Variants in CCDC148 observed in about 807,000 individuals in gnomAD.
The protein encoded by CCDC148 is coiled-coil domain containing 148.
CCDC148 carries 89 observed loss-of-function variants against 85.7 expected under a neutral mutation model. The ratio of observed to expected loss-of-function variants is 1.04; its 90% confidence interval spans 0.87 to 1.24. CCDC148 has a LOEUF of 1.24. CCDC148 is among the 50% of genes most tolerant of loss of function. The pLI, the probability that CCDC148 is intolerant of heterozygous loss-of-function variation, is 0.00. For missense variants in CCDC148, 692 were observed against 671.7 expected (o/e 1.03, Z -0.33); for synonymous variants, 230 against 213.9 (o/e 1.08, Z -0.66).
At chr2:158,441,528 G>A (rs114999857) in intron 1 of CCDC148, among the ~76,000 whole-genome samples, 1,968 of 148,856 alleles carry the variant, frequency 0.013, 29 homozygotes, top group African/African-American at 0.046. Context: ...CATGCAATAT[G>A]TGATTGTTTT....
chr2:158,453,249 A>C (rs1259907399), intron 1 of CCDC148, among the ~76,000 whole-genome samples: 1 of 152,238 alleles, frequency 6.6e-6, no homozygotes, highest in South Asian at 2.1e-4. Flanking sequence ...TAGAGTGTCA[A>C]GGGTCACAAT....
chr2:158,274,624 C>G (rs553697403), intron 9 of CCDC148, among the ~76,000 whole-genome samples: 1 of 152,002 alleles, frequency 6.6e-6, no homozygotes, highest in Non-Finnish European at 1.5e-5. Context: ...GGATTTCATT[C>G]GGGGAGAGTA....
At chr2:158,253,061 T>C (rs1256659598) in intron 9 of CCDC148, among the ~76,000 whole-genome samples, 2 of 151,712 alleles carry the variant, frequency 1.3e-5, no homozygotes, top group Non-Finnish European at 3.0e-5. Flanking sequence ...TCAACATGAC[T>C]GTCTCTTTAC....
chr2:158,348,986 TTA>T (rs2105253470), intron 2 of CCDC148, among the ~76,000 whole-genome samples: 1 of 152,192 alleles, frequency 6.6e-6, no homozygotes, highest in Admixed American at 6.5e-5. Context: ...CCCAACTCTA[TTA>T]TTTGTCTTCA....
At chr2:158,247,028 G>T (rs765740003) in intron 10 of CCDC148, among the ~76,000 whole-genome samples, 1 of 152,130 alleles carries the variant, frequency 6.6e-6, no homozygotes, top group Admixed American at 6.6e-5. Flanking sequence ...GATTACTTGA[G>T]CGTTTTAAAT....
chr2:158,251,224 T>G (rs2105142311), intron 9 of CCDC148, among the ~76,000 whole-genome samples: 1 of 151,980 alleles, frequency 6.6e-6, no homozygotes, highest in South Asian at 2.1e-4. Context: ...AAATTTCTGG[T>G]TTTGCCTATG....
rs1020733718 is a variant in CCDC148, at chr2:158,343,147, G to A, written c.251+2068C>T. ...TGATCCTCCTGCCTCAGCCTCCCAC[G>A]TAGCTGGGACTACTGGTATGCACCA... is the stretch of plus-strand genomic sequence containing the variant. On this transcript the variant is annotated intron_variant, in intron 3 of 13. Coordinates refer to ENST00000283233, the MANE Select transcript of CCDC148 (RefSeq NM_138803.4). 7.9e-5 allele frequency among the ~76,000 whole-genome samples: 12 copies of A among 152,188 alleles called. No homozygotes were observed. The South Asian group carries it at 1.7e-3, about 21-fold the overall frequency.
At chr2:158,262,311 G>C (rs1401592210) in intron 9 of CCDC148, among the ~76,000 whole-genome samples, 1 of 151,978 alleles carries the variant, frequency 6.6e-6, no homozygotes, top group East Asian at 1.9e-4. Context: ...TAAAGGATGA[G>C]AACTCGTGAA....
intron 2 of CCDC148, among the ~76,000 whole-genome samples, chr2:158,349,259 C>T (rs974342635): frequency 6.6e-6 from 1 of 151,386 alleles, no homozygotes; most frequent in African/African-American, 2.4e-5. Context: ...TTTAATATTG[C>T]CAGAGAAAAG....
At chr2:158,441,637 C>T (rs1460853868) in intron 1 of CCDC148, among the ~76,000 whole-genome samples, 1 of 152,048 alleles carries the variant, frequency 6.6e-6, no homozygotes. Context: ...AATTTTAATT[C>T]TTTCTTTTGT....
chr2:158,351,551 C>G (rs1050156605), intron 2 of CCDC148, among the ~76,000 whole-genome samples: 3 of 152,028 alleles, frequency 2.0e-5, no homozygotes, highest in Admixed American at 6.5e-5. Context: ...GAGATTATAT[C>G]CCGCACCTGG....
chr2:158,365,827 G>C (rs1041191469), intron 1 of CCDC148, among the ~76,000 whole-genome samples: 3 of 151,806 alleles, frequency 2.0e-5, no homozygotes, highest in Non-Finnish European at 4.4e-5. Flanking sequence ...AGAAAGCAAG[G>C]GTATCCTGAC....
chr2:158,352,239 G>C (rs1341270179), intron 2 of CCDC148, among the ~76,000 whole-genome samples: 1 of 150,708 alleles, frequency 6.6e-6, no homozygotes, highest in African/African-American at 2.5e-5. Flanking sequence ...TGACTTTGAC[G>C]AGCTGAGAGA....
intron 1 of CCDC148, among the ~76,000 whole-genome samples, chr2:158,367,591 A>T (rs1684259492): frequency 6.6e-6 from 1 of 152,202 alleles, no homozygotes; most frequent in Non-Finnish European, 1.5e-5. Flanking sequence ...GCAAGCCATA[A>T]AATGTTTCTC....
chr2:158,356,084 A>G (rs986359279), intron 2 of CCDC148, among the ~76,000 whole-genome samples: 2 of 133,384 alleles, frequency 1.5e-5, no homozygotes, highest in African/African-American at 3.4e-5. Context: ...TCAATTCAAG[A>G]TGGATTAAAG....
In CCDC148 at chr2:158,268,468, T is replaced by C. The variant is rs138109769; in HGVS notation, c.1111-17556A>G. On this transcript the variant is annotated intron_variant, in intron 9 of 13. Transcript: ENST00000283233. ...TTTTCCAGATTTATTGAGGTATAATTGACAAACAAAATTATATTAAGGTAT... is the reference window on the plus strand; with the variant it reads ...TTTTCCAGATTTATTGAGGTATAATCGACAAACAAAATTATATTAAGGTAT... Among the ~76,000 whole-genome samples the C allele has an allele frequency of 7.4e-3, 1,126 of 152,230 alleles. 19 individuals are homozygous for C. The highest frequency in any genetic ancestry group is 0.026 in the African/African-American group (1,074 of 41,546).
At chr2:158,255,512 G>T (rs1420063043) in intron 9 of CCDC148, among the ~76,000 whole-genome samples, 1 of 151,708 alleles carries the variant, frequency 6.6e-6, no homozygotes, top group Admixed American at 6.6e-5. Flanking sequence ...GATGTGGATG[G>T]CTTCCATGTG....
chr2:158,325,789 G>C (rs1235563084), intron 7 of CCDC148, among the ~76,000 whole-genome samples: 1 of 152,090 alleles, frequency 6.6e-6, no homozygotes, highest in Non-Finnish European at 1.5e-5. Flanking sequence ...GCAACTATTT[G>C]GAACTATTCT....
chr2:158,314,254 T>G (rs1460947830), intron 7 of CCDC148, among the ~76,000 whole-genome samples: 1 of 152,234 alleles, frequency 6.6e-6, no homozygotes, highest in Non-Finnish European at 1.5e-5. Context: ...AAAGGAATTT[T>G]ATTTATTCAA....
Sources: allele counts gnomAD v4.1 joint callset (sites outside exome capture counted in the v4.1 genomes callset), GRCh38; gene constraint gnomAD v4.1.1; transcripts MANE v1.5; gene names NCBI Gene and HGNC (gene_info 2026-07-23, HGNC 2026-07-21).